Variants in DLEU7 observed in about 807,000 individuals in gnomAD.
DLEU7 encodes leukemia-associated protein 7.
A neutral mutation model predicts 16.0 loss-of-function variants in DLEU7; 17 were observed. That is an observed-to-expected ratio of 1.06 (90% CI 0.73 to 1.59). The LOEUF (loss-of-function observed/expected upper bound fraction) is 1.59. Among genes scored for constraint, DLEU7 ranks in the 40% most tolerant of loss-of-function variants. The pLI is 0.00. For synonymous variants in DLEU7, 113 were observed against 139.8 expected (o/e 0.81, Z 1.35); for missense variants, 308 against 314.9 (o/e 0.98, Z 0.17).
At chr13:50,712,902 C>A in exon 2 of DLEU7, 1 of 324,256 alleles carries the variant, frequency 3.1e-6, no homozygotes, top group Non-Finnish European at 5.7e-6. Context: ...GAAGAGCAAA[C>A]AGGGGTAGGG....
rs67682396 is a variant in DLEU7 at position 50,718,919 on chromosome 13, TG to T, written c.460-5680del. Among the ~76,000 whole-genome samples, 894 of 152,182 alleles carry T rather than the reference TG, an allele frequency of 5.9e-3. 12 individuals carry two copies. Among genetic ancestry groups the T allele is most frequent in the African/African-American group, 0.021 (854 of 41,532 alleles). ...AATTTCTTAGGACTAAGGTCAACAA[TG>T]GGGGTTATAAAATAGGAAGGGTTTT... On this transcript the variant is annotated intron_variant, in intron 1 of 1. Transcript: ENST00000400393.
intron 1 of DLEU7, among the ~76,000 whole-genome samples, chr13:50,795,559 C>T (rs980701683): frequency 1.5e-4 from 23 of 152,272 alleles, no homozygotes; most frequent in African/African-American, 5.3e-4. Flanking sequence ...TGGAGTATGA[C>T]ATTTATCCTG....
intron 1 of DLEU7, among the ~76,000 whole-genome samples, chr13:50,725,247 G>A (rs1454112378): frequency 2.0e-5 from 3 of 152,150 alleles, no homozygotes; most frequent in African/African-American, 7.2e-5. Flanking sequence ...AGCCAGCCAC[G>A]TGGTCATGGG....
intron 1 of DLEU7, among the ~76,000 whole-genome samples, chr13:50,753,255 C>A (rs1476277280): frequency 6.6e-6 from 1 of 152,248 alleles, no homozygotes; most frequent in Non-Finnish European, 1.5e-5. Flanking sequence ...CCCAGTGGAT[C>A]CCGCACCAGG....
At chr13:50,829,496 T>C (rs2137807498) in intron 1 of DLEU7, among the ~76,000 whole-genome samples, 1 of 152,104 alleles carries the variant, frequency 6.6e-6, no homozygotes. Context: ...AAAAATATAG[T>C]TGTGGGCAGA....
chr13:50,722,631 C>T (rs537683913), intron 1 of DLEU7, among the ~76,000 whole-genome samples: 3 of 152,274 alleles, frequency 2.0e-5, no homozygotes, highest in African/African-American at 7.2e-5. Context: ...ATTTAAAGCA[C>T]ACTCAGCAAA....
intron 1 of DLEU7, among the ~76,000 whole-genome samples, chr13:50,734,150 C>G (rs981607123): frequency 6.6e-6 from 1 of 152,188 alleles, no homozygotes; most frequent in African/African-American, 2.4e-5. Flanking sequence ...ATTAGGAGTC[C>G]TGCTCTTCTA....
At chr13:50,753,720 G>C (rs1212724150) in intron 1 of DLEU7, among the ~76,000 whole-genome samples, 1 of 152,214 alleles carries the variant, frequency 6.6e-6, no homozygotes, top group African/African-American at 2.4e-5. Flanking sequence ...GAGGGAGCCA[G>C]CTCAGGCCTT....
intron 1 of DLEU7, among the ~76,000 whole-genome samples, chr13:50,737,579 T>A (rs1874110595): frequency 6.6e-6 from 1 of 152,148 alleles, no homozygotes; most frequent in Non-Finnish European, 1.5e-5. Context: ...TCAGTAATCC[T>A]TGATGTTACT....
At chr13:50,822,052 A>G (rs2137800730), downstream of DLEU7, among the ~76,000 whole-genome samples, 1 of 151,934 alleles carries the variant, frequency 6.6e-6, no homozygotes, top group Admixed American at 6.6e-5. Context: ...ATGTACACAC[A>G]TGAGCGCACA....
chr13:50,797,103 G>A (rs906628628), intron 1 of DLEU7, among the ~76,000 whole-genome samples: 5 of 152,266 alleles, frequency 3.3e-5, no homozygotes, highest in African/African-American at 7.2e-5. Context: ...TGTAAGATCC[G>A]AACGTGGAGT....
intron 1 of DLEU7, among the ~76,000 whole-genome samples, chr13:50,774,386 C>T (rs9596359): frequency 0.022 from 3,285 of 152,254 alleles, 109 homozygotes; most frequent in African/African-American, 0.073. Flanking sequence ...GCTGTTCTTA[C>T]TTGGCCATCT....
intron 1 of DLEU7, among the ~76,000 whole-genome samples, chr13:50,789,020 A>G (rs765187602): frequency 2.6e-5 from 4 of 152,096 alleles, no homozygotes; most frequent in Non-Finnish European, 5.9e-5. Context: ...AATGGCTTCA[A>G]TTTTGGAAAA....
chr13:50,711,772 C>CCGGGGCGGGGG, downstream of DLEU7: 1 of 72,928 alleles, frequency 1.4e-5, no homozygotes, highest in African/African-American at 3.9e-5. Flanking sequence ...GACCCAGTGG[C>CCGGGGCGGGGG]GGGGGCGGGG....
chr13:50,722,168 C>G (rs1031286923), intron 1 of DLEU7, among the ~76,000 whole-genome samples: 4 of 152,140 alleles, frequency 2.6e-5, no homozygotes, highest in African/African-American at 7.2e-5. Context: ...TGACCTGCCC[C>G]ATCCTTGACT....
At chr13:50,767,325 G>A (rs1170599984) in intron 1 of DLEU7, among the ~76,000 whole-genome samples, 4 of 152,116 alleles carry the variant, frequency 2.6e-5, no homozygotes, top group Admixed American at 6.5e-5. Context: ...GCGTGGTGGC[G>A]GGCGCCTGTA....
At chr13:50,820,882 G>A (rs143604410), downstream of DLEU7, among the ~76,000 whole-genome samples, 162 of 152,096 alleles carry the variant, frequency 1.1e-3, no homozygotes, top group African/African-American at 3.7e-3. Context: ...ATTTCAACAC[G>A]TAATCAGTAT....
intron 1 of DLEU7, among the ~76,000 whole-genome samples, chr13:50,728,483 AC>A (rs954904970): frequency 1.3e-5 from 2 of 152,198 alleles, no homozygotes; most frequent in Non-Finnish European, 1.5e-5. Context: ...AAGTGAACGT[AC>A]ATTATAGATC....
At chr13:50,730,516 A>G (rs1363100847) in intron 1 of DLEU7, among the ~76,000 whole-genome samples, 1 of 152,148 alleles carries the variant, frequency 6.6e-6, no homozygotes, top group African/African-American at 2.4e-5. Flanking sequence ...AAAATATAAG[A>G]TAAGTGAACT....
Sources: gnomAD v4.1 joint callset for allele counts (sites outside exome capture counted in the v4.1 genomes callset) on GRCh38, gnomAD v4.1.1 for gene constraint, MANE v1.5 for transcripts, NCBI Gene and HGNC (gene_info 2026-07-23, HGNC 2026-07-21) for gene names.